PRR33: variants seen among roughly 807,000 people sequenced by gnomAD.
The protein encoded by PRR33 is proline-rich protein 33.
Under a neutral mutation model 0.5 loss-of-function variants are expected in PRR33, and 1 was observed. That is an observed-to-expected ratio of 2.18 (90% confidence interval 0.77 to 10.34). The LOEUF (loss-of-function observed/expected upper bound fraction) is 10.34, where lower values mean the gene tolerates loss of function less well. Ranked by LOEUF, PRR33 falls within the 30% of genes most tolerant of loss-of-function variation. The pLI is 0.13. For missense variants in PRR33, 552 were observed against 251.8 expected (o/e 2.19, Z -8.07); for synonymous variants, 226 against 110.0 (o/e 2.06, Z -6.60).
the PRR33 span, among the ~76,000 whole-genome samples, chr11:1,901,933 T>G: frequency 6.6e-6 from 1 of 152,160 alleles, no homozygotes; most frequent in Non-Finnish European, 1.5e-5. Flanking sequence ...GAAAAGTAAT[T>G]GCAAAAACCA....
the PRR33 span, among the ~76,000 whole-genome samples, chr11:1,914,616 G>A: frequency 7.1e-6 from 1 of 140,180 alleles, no homozygotes; most frequent in Admixed American, 7.1e-5. Flanking sequence ...GTGTTCTGGG[G>A]TCACACACCT....
chr11:1,909,552 A>C, the PRR33 span, among the ~76,000 whole-genome samples: 1 of 152,210 alleles, frequency 6.6e-6, no homozygotes, highest in Non-Finnish European at 1.5e-5. Flanking sequence ...CGGAGGTTGC[A>C]GTGAGCCAAG....
exon 1 of PRR33, chr11:1,890,125 C>T (rs774529804): frequency 2.9e-4 from 211 of 717,118 alleles, no homozygotes; most frequent in Non-Finnish European, 4.8e-4. Context: ...GCCGAGGCTA[C>T]AACCTGGGGC....
At chr11:1,902,982 C>T in the PRR33 span, 1 of 152,080 alleles carries the variant, frequency 6.6e-6, no homozygotes, top group Non-Finnish European at 1.5e-5. Context: ...TGAGGACGAC[C>T]AGAGGTCACT....
the PRR33 span, among the ~76,000 whole-genome samples, chr11:1,906,589 C>A: frequency 3.3e-5 from 5 of 152,130 alleles, no homozygotes; most frequent in Non-Finnish European, 7.3e-5. Context: ...CAGTTTGATC[C>A]TTTCAAGTAT....
chr11:1,908,155 G>A, the PRR33 span, among the ~76,000 whole-genome samples: 1 of 152,214 alleles, frequency 6.6e-6, no homozygotes. Flanking sequence ...GGCCAAAGAC[G>A]CTTTGTCTGA....
chr11:1,898,523 C>T, the PRR33 span, among the ~76,000 whole-genome samples: 3 of 152,136 alleles, frequency 2.0e-5, no homozygotes, highest in Non-Finnish European at 4.4e-5. Flanking sequence ...GCGTGAGCCA[C>T]CACGCCCAGC....
the PRR33 span, among the ~76,000 whole-genome samples, chr11:1,906,542 T>C: frequency 6.6e-6 from 1 of 152,226 alleles, no homozygotes; most frequent in African/African-American, 2.4e-5. Context: ...CAAATATTCC[T>C]GAGCTTTGTT....
chr11:1,890,078 A>G (rs1231331918), exon 1 of PRR33: 26 of 714,624 alleles, frequency 3.6e-5, no homozygotes, highest in Non-Finnish European at 6.8e-5. Flanking sequence ...CCCCAGAGAC[A>G]GGGACGAAGC....
the PRR33 span, among the ~76,000 whole-genome samples, chr11:1,906,610 G>A: frequency 3.3e-5 from 5 of 152,072 alleles, no homozygotes; most frequent in Non-Finnish European, 5.9e-5. Context: ...TACTTTTACC[G>A]TTTGTAAGGG....
chr11:1,909,046 A>G, the PRR33 span, among the ~76,000 whole-genome samples: 1 of 152,118 alleles, frequency 6.6e-6, no homozygotes, highest in South Asian at 2.1e-4. Flanking sequence ...AGGCATAAAT[A>G]AAGTTAGGAA....
At chr11:1,912,697 T>C in the PRR33 span, among the ~76,000 whole-genome samples, 26 of 152,314 alleles carry the variant, frequency 1.7e-4, no homozygotes, top group South Asian at 5.4e-3. Context: ...CTCCGCTTCC[T>C]GGGCTCAAGT....
At chr11:1,898,750 A>C in the PRR33 span, among the ~76,000 whole-genome samples, 21,698 of 151,830 alleles carry the variant, frequency 0.14, 1,846 homozygotes, top group South Asian at 0.26. Context: ...TCACGCCTGT[A>C]ATCCCAACAC....
chr11:1,895,525 G>A (rs1849114735), upstream of PRR33, among the ~76,000 whole-genome samples: 2 of 152,192 alleles, frequency 1.3e-5, no homozygotes, highest in Admixed American at 6.5e-5. Flanking sequence ...TTAACCATCT[G>A]AAGAGCAAAT....
At chr11:1,889,202 C>A in exon 1 of PRR33, 1 of 677,456 alleles carries the variant, frequency 1.5e-6, no homozygotes, top group South Asian at 1.6e-5. Flanking sequence ...GGGGGCTCAG[C>A]TCCAGGATGG....
At chr11:1,888,318 C>T (rs1465967282) in exon 1 of PRR33, among the ~76,000 whole-genome samples, 22 of 152,226 alleles carry the variant, frequency 1.4e-4, no homozygotes, top group Admixed American at 1.4e-3. Flanking sequence ...ACCAGGGCCA[C>T]AGCCCCTTCT....
At chr11:1,897,185 C>G in the PRR33 span, among the ~76,000 whole-genome samples, 1 of 152,184 alleles carries the variant, frequency 6.6e-6, no homozygotes, top group Non-Finnish European at 1.5e-5. The surrounding 1 kb of genome is among the most constrained non-coding windows in gnomAD (Gnocchi z 4.0). Context: ...GTTTACGTCT[C>G]CAGTGAGGTT....
exon 1 of PRR33, chr11:1,890,824 C>T (rs1158269975): frequency 3.5e-6 from 2 of 571,128 alleles, no homozygotes; most frequent in African/African-American, 3.7e-5. Flanking sequence ...GAGGCCGAGT[C>T]CCTCCAGGGA....
the PRR33 span, among the ~76,000 whole-genome samples, chr11:1,900,225 C>T: frequency 6.6e-6 from 1 of 152,074 alleles, no homozygotes; most frequent in African/African-American, 2.4e-5. Flanking sequence ...TTTGTTTCTC[C>T]AGTTCAGGTG....
Sources: gnomAD v4.1 joint callset for allele counts (sites outside exome capture counted in the v4.1 genomes callset) on GRCh38, gnomAD v4.1.1 for gene constraint, Gnocchi (gnomAD v3.1) non-coding constraint, MANE v1.5 for transcripts, NCBI Gene and HGNC (gene_info 2026-07-23, HGNC 2026-07-21) for gene names.